The following CCDC57 variants were observed in gnomAD, a reference collection of about 807,000 sequenced individuals.
The protein encoded by CCDC57 is coiled-coil domain containing 57.
Under a neutral mutation model 118.9 loss-of-function variants are expected in CCDC57, and 118 were observed. That is an observed-to-expected ratio of 0.99 (90% confidence interval 0.86 to 1.16). CCDC57 has a LOEUF of 1.16. CCDC57 is among the 50% of genes most tolerant of loss of function. The pLI, the probability that CCDC57 is intolerant of heterozygous loss-of-function variation, is 0.00. For synonymous variants in CCDC57, 527 were observed against 532.9 expected (o/e 0.99, Z 0.15); for missense variants, 1,300 against 1,320.7 (o/e 0.98, Z 0.24).
In CCDC57 at chr17:82,201,812, C is replaced by G. The variant is rs759280536; in HGVS notation, c.133G>C (p.Glu45Gln). 3.7e-5 allele frequency: 59 copies of G among 1,613,510 alleles called. No homozygotes were observed. In the Admixed American group the frequency reaches 9.7e-4, roughly 26 times the overall value. The change falls in exon 3 of 20, where the codon GAG becomes CAG. Residue 45 changes from glutamate to glutamine, a missense_variant. Coordinates refer to ENST00000665763, the Ensembl canonical transcript of CCDC57. ...AGGCACCGCAGTTTCCCCTGCGCCT[C>G]CTCCAGCTGGCTCCGTGTGTCCTGC...
chr17:82,181,812 T>C (rs779269377), intron 9 of CCDC57, among the ~76,000 whole-genome samples: 1 of 152,180 alleles, frequency 6.6e-6, no homozygotes, highest in Non-Finnish European at 1.5e-5. Flanking sequence ...AGAAGGAACA[T>C]TGGAATCAAG....
chr17:82,177,302 G>C (rs187866161), intron 11 of CCDC57, among the ~76,000 whole-genome samples: 2 of 152,268 alleles, frequency 1.3e-5, no homozygotes, highest in Admixed American at 1.3e-4. Flanking sequence ...CTTGAACCTG[G>C]GAGGCGGAGG....
At position 82,188,526 on chromosome 17, in the gene CCDC57, T is replaced by C. The variant is rs1434157249; in HGVS notation, c.852-107A>G. 1.1e-5 allele frequency: 13 copies of C among 1,156,790 alleles called. No individual in the cohort carries two copies. In the East Asian group the frequency reaches 1.3e-4, roughly 12 times the overall value. The allele number at this position is 1,156,790 out of a possible 1,614,324, so 71.7% of individuals were successfully genotyped here. On this transcript the variant is annotated intron_variant, in intron 7 of 19. Coordinates refer to ENST00000665763, the Ensembl canonical transcript of CCDC57. ...CCTGTCTCGTGCACAGGTGCTGCTG[T>C]ATGTCTGCCTCAAGGCTTCGCAGCA...
At chr17:82,194,072 T>C in exon 6 of CCDC57, 1 of 1,613,984 alleles carries the variant, frequency 6.2e-7, no homozygotes, top group Non-Finnish European at 8.5e-7. Context: ...CTCTGCCCTC[T>C]GCAGACTCTC....
intron 13 of CCDC57, among the ~76,000 whole-genome samples, chr17:82,164,655 TTTA>T (rs2043763523): frequency 6.6e-6 from 1 of 152,130 alleles, no homozygotes; most frequent in Admixed American, 6.5e-5. Context: ...TATAAGCAAC[TTTA>T]TGTCAAAAAT....
rs193302673 is a variant in CCDC57 at position 82,202,096 on chromosome 17, C to T, written c.-8-144G>A. The T allele has an allele frequency of 2.7e-3, 2,241 of 815,078 alleles. 35 individuals carry two copies. The African/African-American group carries it at 0.035, about 13-fold the overall frequency. The allele number at this position is 815,078 out of a possible 1,614,324, so 50.5% of individuals were successfully genotyped here. A position where few individuals can be genotyped will look rare whatever the true frequency, so the allele number is the denominator to read the frequency against. ...CTGTAATCCCAGCCCTTTGGGAGGC[C>T]GAGGCAGGCGGATCACCTGAGGTCA... On this transcript the variant is annotated intron_variant, in intron 2 of 19. Coordinates refer to ENST00000665763, the Ensembl canonical transcript of CCDC57.
rs142736730 is a variant in CCDC57 at position 82,179,694 on chromosome 17, G to A, written c.1212-505C>T. Among the ~76,000 whole-genome samples, 558 of 152,162 alleles carry A rather than the reference G, an allele frequency of 3.7e-3. 5 individuals carry two copies. Among genetic ancestry groups the A allele is most frequent in the African/African-American group, 0.013 (527 of 41,502 alleles). ...CAGAGGGGTGGGAACGCAGGAACCC[G>A]GGGGCTTCCTCCAGAAAACCAGCGC... is the stretch of plus-strand genomic sequence containing the variant. On this transcript the variant is annotated intron_variant, in intron 9 of 19. Coordinates refer to ENST00000665763, the Ensembl canonical transcript of CCDC57.
At chr17:82,199,583 A>T (rs1451087705) in intron 3 of CCDC57, among the ~76,000 whole-genome samples, 1 of 152,188 alleles carries the variant, frequency 6.6e-6, no homozygotes. Flanking sequence ...ACACTTCACA[A>T]CATAACGTAA....
At chr17:82,115,697 C>T (rs979037868) in intron 19 of CCDC57, among the ~76,000 whole-genome samples, 1 of 151,846 alleles carries the variant, frequency 6.6e-6, no homozygotes, top group Non-Finnish European at 1.5e-5. Context: ...ATCACTTGAA[C>T]CTGGGAGGTG....
chr17:82,120,480 T>C (rs980922757), intron 19 of CCDC57, among the ~76,000 whole-genome samples: 2 of 152,216 alleles, frequency 1.3e-5, no homozygotes, highest in African/African-American at 4.8e-5. Flanking sequence ...GAGGGCGCAG[T>C]GTCGCATCTT....
exon 17 of CCDC57, chr17:82,134,152 C>A (rs757209124): frequency 2.9e-6 from 4 of 1,371,072 alleles, no homozygotes; most frequent in Non-Finnish European, 3.8e-6. Flanking sequence ...GCCTGGCTTC[C>A]GGGCCTCAGG....
chr17:82,128,422 C>T, intron 18 of CCDC57, 71 bp downstream of exon 17: 1 of 1,073,096 alleles, frequency 9.3e-7, no homozygotes, highest in Non-Finnish European at 1.4e-6. Flanking sequence ...AGGCCCAGAG[C>T]ACCCAGGCCC....
At chr17:82,135,856 G>A (rs906138800) in intron 16 of CCDC57, among the ~76,000 whole-genome samples, 1 of 151,970 alleles carries the variant, frequency 6.6e-6, no homozygotes, top group Non-Finnish European at 1.5e-5. Flanking sequence ...GTCAGGTGTT[G>A]GATACTGGCG....
intron 13 of CCDC57, among the ~76,000 whole-genome samples, chr17:82,165,662 G>A (rs1405420102): frequency 1.3e-5 from 2 of 152,170 alleles, no homozygotes; most frequent in Non-Finnish European, 2.9e-5. Context: ...GAGGGTCACA[G>A]GAGGAAGGAG....
At chr17:82,132,123 A>G (rs1399332311) in intron 17 of CCDC57, among the ~76,000 whole-genome samples, 64 of 47,220 alleles carry the variant, frequency 1.4e-3, no homozygotes, top group African/African-American at 4.3e-3. Flanking sequence ...TGTCTCAAAA[A>G]AAAAAAAAAA....
chr17:82,153,763 C>T (rs1036380764), intron 15 of CCDC57: 1 of 152,270 alleles, frequency 6.6e-6, no homozygotes, highest in Non-Finnish European at 1.5e-5. Context: ...CAGCAGCTGT[C>T]CACCCATCTG....
At chr17:82,173,908 T>A (rs1192164315) in intron 11 of CCDC57, among the ~76,000 whole-genome samples, 1 of 152,120 alleles carries the variant, frequency 6.6e-6, no homozygotes, top group African/African-American at 2.4e-5. Flanking sequence ...GAGGGGCGCT[T>A]CTGCCTCTGA....
In CCDC57 at chr17:82,160,673, G is replaced by A. The variant is rs188333490; in HGVS notation, c.2040+2527C>T. Among the ~76,000 whole-genome samples the A allele has an allele frequency of 3.7e-3, 559 of 152,156 alleles. 5 individuals carry two copies. The highest frequency in any genetic ancestry group is 0.013 in the African/African-American group (527 of 41,484). On this transcript the variant is annotated intron_variant, in intron 14 of 19. Transcript: ENST00000665763. Reference sequence around the variant, plus strand: ...GAAGATCACCTGAGGTGAGGAGTTCGATACCAGCCTGGCCAACATGGTAAA... The same window carrying A: ...GAAGATCACCTGAGGTGAGGAGTTCAATACCAGCCTGGCCAACATGGTAAA...
intron 16 of CCDC57, among the ~76,000 whole-genome samples, chr17:82,150,802 C>T (rs1598941722): frequency 9.1e-6 from 1 of 109,510 alleles, no homozygotes; most frequent in African/African-American, 3.6e-5. Flanking sequence ...CAGAACCTGA[C>T]CCACACCCAG....
Sources: gnomAD v4.1 joint callset for allele counts (sites outside exome capture counted in the v4.1 genomes callset) on GRCh38, gnomAD v4.1.1 for gene constraint, MANE v1.5 for transcripts, NCBI Gene and HGNC (gene_info 2026-07-23, HGNC 2026-07-21) for gene names.